Variants in SRGAP1 observed in about 807,000 individuals in gnomAD.
SRGAP1 encodes the protein SLIT-ROBO Rho GTPase activating protein 1.
SRGAP1 carries 43 observed loss-of-function variants against 121.9 expected under a neutral mutation model. The observed-to-expected ratio is 0.35, with a 90% CI of 0.28 to 0.46. SRGAP1 has a LOEUF of 0.46. SRGAP1 is among the 20% of genes least tolerant of loss of function. The pLI is 1.00. For missense variants in SRGAP1, 1,102 were observed against 1,350.9 expected (o/e 0.82, Z 2.89); for synonymous variants, 447 against 485.4 (o/e 0.92, Z 1.04).
chr12:64,127,489 C>A, intron 19 of SRGAP1, 101 bp from the exon 20 acceptor site: 1 of 1,189,646 alleles, frequency 8.4e-7, no homozygotes, highest in Non-Finnish European at 1.2e-6. Flanking sequence ...CTATTTCATA[C>A]ATAAATGCTA....
intron 1 of SRGAP1, among the ~76,000 whole-genome samples, chr12:63,853,833 G>C (rs994333574): frequency 6.6e-6 from 1 of 152,240 alleles, no homozygotes; most frequent in Non-Finnish European, 1.5e-5. Flanking sequence ...CCCTCCTTGA[G>C]TACAGGAGTG....
At chr12:63,905,570 C>T (rs1309076513) in intron 1 of SRGAP1, among the ~76,000 whole-genome samples, 2 of 152,184 alleles carry the variant, frequency 1.3e-5, no homozygotes, top group Non-Finnish European at 2.9e-5. Context: ...TCTAAACTAA[C>T]AAGTTTAATA....
chr12:63,947,082 A>G (rs1384499126), intron 1 of SRGAP1, among the ~76,000 whole-genome samples: 1 of 152,200 alleles, frequency 6.6e-6, no homozygotes, highest in Non-Finnish European at 1.5e-5. Context: ...AACCACTACA[A>G]ATAAAAGTGC....
chr12:63,886,790 T>A (rs908102889), intron 1 of SRGAP1, among the ~76,000 whole-genome samples: 2 of 147,828 alleles, frequency 1.4e-5, no homozygotes, highest in African/African-American at 2.6e-5. Flanking sequence ...TTAAAAGGGA[T>A]TTTTTTTTGT....
intron 1 of SRGAP1, among the ~76,000 whole-genome samples, chr12:63,903,463 C>T (rs898234776): frequency 1.3e-5 from 2 of 152,126 alleles, no homozygotes; most frequent in African/African-American, 4.8e-5. Flanking sequence ...CCAGGCTGTA[C>T]TTGAACTCCT....
At chr12:63,868,318 G>A (rs1038278189) in intron 1 of SRGAP1, among the ~76,000 whole-genome samples, 7 of 151,728 alleles carry the variant, frequency 4.6e-5, no homozygotes, top group African/African-American at 1.7e-4. Flanking sequence ...CCTGACTTCA[G>A]GTGATCCGCC....
chr12:63,845,748 C>T (rs1230839530), intron 1 of SRGAP1, among the ~76,000 whole-genome samples: 1 of 151,942 alleles, frequency 6.6e-6, no homozygotes, highest in Admixed American at 6.6e-5. Context: ...GAATTTTTTC[C>T]TCCTCTTTCC....
intron 1 of SRGAP1, among the ~76,000 whole-genome samples, chr12:63,915,587 G>A (rs1214666249): frequency 2.6e-5 from 4 of 152,182 alleles, no homozygotes; most frequent in African/African-American, 9.7e-5. Flanking sequence ...AAGATTTTTA[G>A]CTGGAGACAC....
intron 1 of SRGAP1, among the ~76,000 whole-genome samples, chr12:63,955,723 AG>A (rs2032444858): frequency 6.6e-6 from 1 of 152,088 alleles, no homozygotes; most frequent in South Asian, 2.1e-4. Flanking sequence ...AAAAAAAACA[AG>A]CTTTTGAAGA....
Position 64,150,001 on chromosome 12 carries a change from TC to T in SRGAP1, c.*7330del, listed in dbSNP as rs1010676792. On this transcript the variant is annotated 3_prime_UTR_variant, in exon 22 of 22. Coordinates refer to ENST00000355086, the MANE Select transcript of SRGAP1 (RefSeq NM_020762.4). Reference sequence around the variant, plus strand: ...AATCACGGTGAGGTTCATCACCTCTTCAGTAGCCTTTTATCTGTTTCTACAT... The same window carrying T: ...AATCACGGTGAGGTTCATCACCTCTTAGTAGCCTTTTATCTGTTTCTACAT... The T allele has an allele frequency of 6.6e-6, 1 of 152,228 alleles. No homozygotes were observed. Among genetic ancestry groups the T allele is most frequent in the African/African-American group, 2.4e-5 (1 of 41,466 alleles). 9.4% of individuals were successfully genotyped at this position (152,228 alleles called of 1,614,324 possible). A position where few individuals can be genotyped will look rare whatever the true frequency, so the allele number is the denominator to read the frequency against.
chr12:63,904,957 G>T (rs920388888), intron 1 of SRGAP1, among the ~76,000 whole-genome samples: 11 of 151,972 alleles, frequency 7.2e-5, no homozygotes, highest in Admixed American at 1.3e-4. Flanking sequence ...AAAATACAGA[G>T]AAACAGAGTG....
chr12:63,983,161 G>A (rs914007884), intron 1 of SRGAP1: 1 of 152,192 alleles, frequency 6.6e-6, no homozygotes. Flanking sequence ...TTACAAACTA[G>A]AAATTATGCA....
chr12:64,109,140 A>G, intron 16 of SRGAP1, 103 bp downstream of exon 16: 1 of 710,544 alleles, frequency 1.4e-6, no homozygotes, highest in Non-Finnish European at 2.1e-6. Context: ...AGAGTCAAAG[A>G]GAAAAATGAT....
intron 1 of SRGAP1, among the ~76,000 whole-genome samples, chr12:63,880,344 G>T (rs1239900566): frequency 6.6e-6 from 1 of 151,970 alleles, no homozygotes; most frequent in African/African-American, 2.4e-5. Flanking sequence ...TGATTCTCCT[G>T]ACTCAGCCTC....
At chr12:63,846,873 C>G (rs1898918945) in intron 1 of SRGAP1, among the ~76,000 whole-genome samples, 1 of 152,184 alleles carries the variant, frequency 6.6e-6, no homozygotes, top group Admixed American at 6.5e-5. Context: ...TCACCTGGTA[C>G]TTCTAGGCAA....
At chr12:64,124,064 A>G (rs1166168587) in intron 18 of SRGAP1, among the ~76,000 whole-genome samples, 6 of 152,176 alleles carry the variant, frequency 3.9e-5, no homozygotes, top group African/African-American at 1.4e-4. Context: ...AAGAAAAAAA[A>G]AATTATCCAA....
intron 21 of SRGAP1, among the ~76,000 whole-genome samples, chr12:64,137,227 G>T (rs2036870050): frequency 6.6e-6 from 1 of 151,302 alleles, no homozygotes; most frequent in South Asian, 2.1e-4. Context: ...TCACAGTATT[G>T]CATTGCATTC....
Position 64,142,497 on chromosome 12 carries a change from C to A in SRGAP1, c.3083C>A (p.Thr1028Lys). The A allele has an allele frequency of 6.2e-7, 1 of 1,614,154 alleles. No individual in the cohort carries two copies. The highest frequency in any genetic ancestry group is 8.5e-7 in the Non-Finnish European group (1 of 1,180,034). The change falls in exon 22 of 22, where the codon ACG (threonine) becomes AAG (lysine). Residue 1028 changes from threonine to lysine, a missense_variant. Coordinates refer to ENST00000355086, the MANE Select transcript of SRGAP1 (RefSeq NM_020762.4). ...RSSEPQIRRS[T>K]SSSSDTMSTF... Reference sequence around the variant, plus strand: ...TCCGAGCCTCAGATTCGACGTAGCACGAGCTCCTCCAGTGACACAATGAGT... The same window carrying A: ...TCCGAGCCTCAGATTCGACGTAGCAAGAGCTCCTCCAGTGACACAATGAGT...
chr12:63,890,394 C>T (rs987336108), intron 1 of SRGAP1, among the ~76,000 whole-genome samples: 10 of 152,162 alleles, frequency 6.6e-5, no homozygotes, highest in Admixed American at 2.0e-4. Context: ...CCATGCCATT[C>T]GCTGCAGTGG....
Sources: gnomAD v4.1 joint callset for allele counts (sites outside exome capture counted in the v4.1 genomes callset) on GRCh38, gnomAD v4.1.1 for gene constraint, MANE v1.5 for transcripts, NCBI Gene and HGNC (gene_info 2026-07-23, HGNC 2026-07-21) for gene names.